ATF6: variants seen among roughly 807,000 people sequenced by gnomAD.
ATF6 encodes the protein activating transcription factor 6, also known as cyclic AMP-dependent transcription factor ATF-6 alpha.
Under a neutral mutation model 83.6 loss-of-function variants are expected in ATF6, and 53 were observed. The observed-to-expected ratio is 0.63, with a 90% CI of 0.51 to 0.80. ATF6 has a LOEUF of 0.80. ATF6 is among the 30% of genes least tolerant of loss of function. The probability of loss-of-function intolerance (pLI) is 0.00; values close to 1 mark genes in which losing one functional copy is unlikely to be tolerated. For missense variants in ATF6, 744 were observed against 797.9 expected (o/e 0.93, Z 0.81); for synonymous variants, 288 against 285.8 (o/e 1.01, Z -0.08).
At chr1:161,919,845 A>G (rs1056379354) in intron 15 of ATF6, among the ~76,000 whole-genome samples, 1 of 152,246 alleles carries the variant, frequency 6.6e-6, no homozygotes, top group African/African-American at 2.4e-5. Flanking sequence ...CTTAATAGCA[A>G]TGGTTGCAAA....
At chr1:161,920,292 C>CTTTTTTTTTTTTTTTTTTTTT (rs1322896918) in intron 15 of ATF6, among the ~76,000 whole-genome samples, 3 of 19,790 alleles carry the variant, frequency 1.5e-4, no homozygotes, top group African/African-American at 1.8e-4. Context: ...CTCTCTCTCT[C>CTTTTTTTTTTTTTTTTTTTTT]TCTTTTTTTT....
chr1:161,878,056 G>A (rs1687251970), intron 14 of ATF6, among the ~76,000 whole-genome samples: 1 of 152,052 alleles, frequency 6.6e-6, no homozygotes, highest in African/African-American at 2.4e-5. Flanking sequence ...GTGAATCTGG[G>A]ACTCAAGAGA....
intron 14 of ATF6, 92 bp from the exon 15 acceptor site, chr1:161,912,204 C>T (rs529449290): frequency 1.5e-4 from 101 of 693,238 alleles, no homozygotes; most frequent in East Asian, 2.5e-4. Context: ...ATCATCCCAA[C>T]GAAATATTGA....
At chr1:161,928,619 C>CTT (rs77570576) in intron 15 of ATF6, among the ~76,000 whole-genome samples, 3 of 137,968 alleles carry the variant, frequency 2.2e-5, no homozygotes, top group African/African-American at 7.6e-5. Flanking sequence ...ATACAAAAGC[C>CTT]TTTTTTTTAA....
At chr1:161,846,752 T>C (rs1233446596) in intron 10 of ATF6, among the ~76,000 whole-genome samples, 172 bp downstream of exon 10, 1 of 152,182 alleles carries the variant, frequency 6.6e-6, no homozygotes, top group African/African-American at 2.4e-5. Context: ...TAAAATTAAA[T>C]TTACTTTGAA....
chr1:161,872,163 A>G (rs186159262), intron 14 of ATF6, among the ~76,000 whole-genome samples: 2 of 151,752 alleles, frequency 1.3e-5, no homozygotes, highest in Non-Finnish European at 3.0e-5. Context: ...AGTCGTGTCC[A>G]TTGTGAACTC....
intron 9 of ATF6, among the ~76,000 whole-genome samples, chr1:161,836,557 C>T (rs916954324): frequency 2.0e-5 from 3 of 152,256 alleles, no homozygotes; most frequent in Non-Finnish European, 4.4e-5. Context: ...ATAGTCTTAA[C>T]GTATTCATGT....
In ATF6 at chr1:161,959,691, A is replaced by C. The variant is rs1689054006; in HGVS notation, c.*1037A>C. The C allele has an allele frequency of 6.7e-6, 1 of 148,922 alleles. No homozygotes were observed. Among genetic ancestry groups the C allele is most frequent in the Admixed American group, 6.7e-5 (1 of 14,944 alleles). 9.2% of individuals were successfully genotyped at this position (148,922 alleles called of 1,614,324 possible). On this transcript the variant is annotated 3_prime_UTR_variant, in exon 16 of 16. Coordinates refer to ENST00000367942, the MANE Select transcript of ATF6 (RefSeq NM_007348.4). ...TCTCAAAAAAAAAAAAAAAAAAAAA[A>C]AAAGATGGAAAGTTCGATGTGACTG...
rs535122433 is a variant in ATF6 at position 161,920,859 on chromosome 1, T to C, written c.1804+8479T>C. ...CTAGAAAGCTCTGCTTATGTCTTATTGAACATAAACTGTGTCAACTATTTA... is the reference window on the plus strand; with the variant it reads ...CTAGAAAGCTCTGCTTATGTCTTATCGAACATAAACTGTGTCAACTATTTA... On this transcript the variant is annotated intron_variant, in intron 15 of 15. Transcript: ENST00000367942. Among the ~76,000 whole-genome samples the C allele has an allele frequency of 5.9e-5, 9 of 152,302 alleles. No individual in the cohort carries two copies. The East Asian group carries it at 1.7e-3, about 29-fold the overall frequency.
Position 161,919,910 on chromosome 1 carries a change from G to A in ATF6, c.1804+7530G>A, listed in dbSNP as rs549410772. The stretch of plus-strand genomic sequence containing the variant: ...TAGTTGGAGAGGTCGTAACAGAAGG[G>A]TAGGAAGCAAACCAACCAAATAAAT... On this transcript the variant is annotated intron_variant, in intron 15 of 15. Transcript: ENST00000367942. Among the ~76,000 whole-genome samples, 244 of 152,320 alleles carry A rather than the reference G, an allele frequency of 1.6e-3. 2 individuals are homozygous for A. Among genetic ancestry groups the A allele is most frequent in the Admixed American group, 3.0e-3 (46 of 15,300 alleles).
intron 14 of ATF6, among the ~76,000 whole-genome samples, chr1:161,910,125 T>C (rs1045943991): frequency 5.3e-5 from 8 of 152,206 alleles, no homozygotes; most frequent in African/African-American, 1.9e-4. Flanking sequence ...GAAACATTTA[T>C]TTTGAGGAAG....
intron 10 of ATF6, among the ~76,000 whole-genome samples, chr1:161,850,087 A>G (rs1274345433): frequency 6.6e-6 from 1 of 152,132 alleles, no homozygotes. Flanking sequence ...TTTCCTAATC[A>G]GTGTCTCAGC....
At chr1:161,772,635 A>G (rs1018285061) in intron 1 of ATF6, among the ~76,000 whole-genome samples, 6 of 151,890 alleles carry the variant, frequency 4.0e-5, no homozygotes, top group African/African-American at 1.2e-4. Context: ...TGCTCAAGCT[A>G]TTCTTCCTCC....
intron 15 of ATF6, among the ~76,000 whole-genome samples, chr1:161,916,541 T>A (rs1688104965): frequency 6.6e-6 from 1 of 152,192 alleles, no homozygotes; most frequent in Admixed American, 6.5e-5. Context: ...AAATTTAACA[T>A]TGATACAGTA....
chr1:161,808,387 G>A (rs1299048515), intron 7 of ATF6, among the ~76,000 whole-genome samples: 4 of 151,894 alleles, frequency 2.6e-5, no homozygotes, highest in Non-Finnish European at 5.9e-5. Context: ...TACTAGTTTT[G>A]TGTGCATTCT....
At chr1:161,813,245 T>C (rs1685519547) in intron 7 of ATF6, among the ~76,000 whole-genome samples, 1 of 152,326 alleles carries the variant, frequency 6.6e-6, no homozygotes, top group South Asian at 2.1e-4. Context: ...TTTTAAGTCA[T>C]GAGGGACAAA....
At chr1:161,838,550 G>A (rs1383487331) in intron 9 of ATF6, among the ~76,000 whole-genome samples, 1 of 152,128 alleles carries the variant, frequency 6.6e-6, no homozygotes, top group East Asian at 1.9e-4. Flanking sequence ...CTTTCAGCTG[G>A]GACCTGAGCC....
At chr1:161,870,923 A>G (rs1687110451) in intron 14 of ATF6, among the ~76,000 whole-genome samples, 1 of 151,788 alleles carries the variant, frequency 6.6e-6, no homozygotes, top group African/African-American at 2.4e-5. Context: ...TAGTCTTATT[A>G]TTATGAAATG....
chr1:161,801,965 C>T (rs573605331), intron 6 of ATF6, 87 bp from the exon 7 acceptor site: 15 of 1,192,360 alleles, frequency 1.3e-5, no homozygotes, highest in Middle Eastern at 2.8e-4. Flanking sequence ...TTACCCATTA[C>T]GTCTGCAGAA....
Sources: allele counts gnomAD v4.1 joint callset (sites outside exome capture counted in the v4.1 genomes callset), GRCh38; gene constraint gnomAD v4.1.1; transcripts MANE v1.5; gene names NCBI Gene and HGNC (gene_info 2026-07-23, HGNC 2026-07-21).